HECW1: variants seen among roughly 807,000 people sequenced by gnomAD.
The protein encoded by HECW1 is HECT, C2 and WW domain containing E3 ubiquitin protein ligase 1.
Under a neutral mutation model 182.3 loss-of-function variants are expected in HECW1, and 61 were observed. That is an observed-to-expected ratio of 0.33 (90% CI 0.27 to 0.41). The LOEUF (loss-of-function observed/expected upper bound fraction) is 0.41, where lower values mean the gene tolerates loss of function less well. HECW1 is among the 10% of genes least tolerant of loss of function. The pLI is 1.00. For synonymous variants in HECW1, 859 were observed against 832.6 expected, an observed-to-expected ratio of 1.03 and a Z score of -0.55; for missense variants, 1,739 against 2,108.9, an observed-to-expected ratio of 0.82 and a Z score of 3.44.
Position 43,488,394 on chromosome 7 carries a change from G to A in HECW1, c.3235-3681G>A, listed in dbSNP as rs1351463785. ...AGGAAGGAAGGAAGGAAGGAAGGAAGGAAGGAAATGAAAGAAAGAGAGAGA... is the reference window on the plus strand; with the variant it reads ...AGGAAGGAAGGAAGGAAGGAAGGAAAGAAGGAAATGAAAGAAAGAGAGAGA... On this transcript the variant is annotated intron_variant, in intron 17 of 29. Coordinates refer to ENST00000395891, the MANE Select transcript of HECW1 (RefSeq NM_015052.5). 7.0e-4 allele frequency among the ~76,000 whole-genome samples: 50 copies of A among 71,806 alleles called. 1 individual carries two copies. The highest frequency in any genetic ancestry group is 8.1e-4 in the Non-Finnish European group (29 of 35,672). 47.1% of individuals were successfully genotyped at this position (71,806 alleles called of 152,430 possible). A position where few individuals can be genotyped will look rare whatever the true frequency, so the allele number is the denominator to read the frequency against.
intron 3 of HECW1, among the ~76,000 whole-genome samples, chr7:43,296,415 G>A (rs1370579322): frequency 2.0e-5 from 3 of 152,260 alleles, no homozygotes; most frequent in Admixed American, 2.0e-4. Flanking sequence ...TTGTTGCCCA[G>A]GAAGGTCTAT....
intron 13 of HECW1, among the ~76,000 whole-genome samples, chr7:43,461,667 T>G (rs1355734207): frequency 1.3e-5 from 2 of 152,144 alleles, no homozygotes; most frequent in Admixed American, 6.5e-5. Context: ...TCCATCACTC[T>G]TCATAACCTC....
chr7:43,173,607 G>A (rs913704869), intron 2 of HECW1, among the ~76,000 whole-genome samples: 4 of 152,192 alleles, frequency 2.6e-5, no homozygotes, highest in Admixed American at 2.0e-4. Context: ...CCTCTCATGC[G>A]CAGTTCACAG....
At chr7:43,363,800 G>A (rs995940173) in intron 6 of HECW1, among the ~76,000 whole-genome samples, 1 of 152,220 alleles carries the variant, frequency 6.6e-6, no homozygotes, top group Non-Finnish European at 1.5e-5. Context: ...CAGCACATCT[G>A]TGGAGAGAGG....
chr7:43,542,029 T>G, intron 26 of HECW1, 31 bp downstream of exon 26: 2 of 1,460,872 alleles, frequency 1.4e-6, no homozygotes, highest in Non-Finnish European at 1.8e-6. Flanking sequence ...GGAAAAGGGA[T>G]TTTGTTTTTT....
intron 24 of HECW1, among the ~76,000 whole-genome samples, chr7:43,535,001 A>G (rs2081123929): frequency 6.6e-6 from 1 of 152,232 alleles, no homozygotes; most frequent in African/African-American, 2.4e-5. Context: ...TGTCCTATAC[A>G]GTAGGTGCCA....
intron 3 of HECW1, among the ~76,000 whole-genome samples, chr7:43,276,245 T>TA (rs1425247903): frequency 6.6e-6 from 1 of 152,228 alleles, no homozygotes; most frequent in Admixed American, 6.5e-5. Context: ...GCCTGTTCTT[T>TA]AGAGTTACTA....
intron 6 of HECW1, among the ~76,000 whole-genome samples, chr7:43,370,525 T>G (rs1024502199): frequency 6.6e-6 from 1 of 152,214 alleles, no homozygotes; most frequent in African/African-American, 2.4e-5. Flanking sequence ...AGTTGAAAAC[T>G]TATGTCCATA....
intron 5 of HECW1, among the ~76,000 whole-genome samples, chr7:43,346,866 C>T (rs1174283203): frequency 6.6e-6 from 1 of 152,114 alleles, no homozygotes; most frequent in African/African-American, 2.4e-5. Context: ...TATTTTTATA[C>T]CAGTACCATG....
rs907345848 is a variant in HECW1, at chr7:43,116,033, C to T, written c.-32+1642C>T. 3.9e-5 allele frequency among the ~76,000 whole-genome samples: 6 copies of T among 152,072 alleles called. No individual in the cohort carries two copies. The East Asian group carries it at 1.2e-3, about 29-fold the overall frequency. ...GAGTGGATTTCAGGTCATAAAAATG[C>T]CCTCTAATTGTATAGGCAGGAGGTA... On this transcript the variant is annotated intron_variant, in intron 2 of 29. Coordinates refer to ENST00000395891, the MANE Select transcript of HECW1 (RefSeq NM_015052.5).
At chr7:43,412,432 T>C (rs2075833696) in intron 8 of HECW1, among the ~76,000 whole-genome samples, 2 of 150,036 alleles carry the variant, frequency 1.3e-5, no homozygotes, top group African/African-American at 4.9e-5. Flanking sequence ...TTCTTTTATT[T>C]ATTTATTTAT....
chr7:43,148,391 C>G (rs944905940), intron 2 of HECW1, among the ~76,000 whole-genome samples: 1 of 151,898 alleles, frequency 6.6e-6, no homozygotes. Context: ...CAGCACCTGG[C>G]TGCAGTCCCT....
intron 3 of HECW1, among the ~76,000 whole-genome samples, chr7:43,296,456 C>T (rs1806065077): frequency 6.6e-6 from 1 of 151,960 alleles, no homozygotes; most frequent in African/African-American, 2.4e-5. Context: ...ACAGTGAGGC[C>T]CCTGGTTCAT....
intron 2 of HECW1, among the ~76,000 whole-genome samples, chr7:43,218,977 A>G (rs763217449): frequency 2.0e-5 from 3 of 152,202 alleles, no homozygotes; most frequent in Admixed American, 6.5e-5. Context: ...CCTGTGGGGA[A>G]CACCAGCCAG....
intron 4 of HECW1, among the ~76,000 whole-genome samples, chr7:43,316,930 C>T (rs1250450831): frequency 6.6e-6 from 1 of 150,704 alleles, no homozygotes; most frequent in African/African-American, 2.5e-5. Context: ...GATGCAAATT[C>T]GATTCATTTA....
At chr7:43,200,681 C>T (rs1031412042) in intron 2 of HECW1, among the ~76,000 whole-genome samples, 1 of 152,226 alleles carries the variant, frequency 6.6e-6, no homozygotes, top group African/African-American at 2.4e-5. Flanking sequence ...GCTCATTGCT[C>T]TGCTCTTATG....
intron 2 of HECW1, among the ~76,000 whole-genome samples, chr7:43,236,562 A>T (rs940204598): frequency 1.3e-5 from 2 of 152,164 alleles, no homozygotes; most frequent in African/African-American, 4.8e-5. Flanking sequence ...TGAAGCAGGA[A>T]CTTCCAGGTC....
chr7:43,519,968 G>C lies in HECW1; in HGVS notation c.4019+10847G>C, dbSNP rs934953300. 1.2e-4 allele frequency among the ~76,000 whole-genome samples: 19 copies of C among 152,192 alleles called. 1 individual carries two copies. The highest frequency in any genetic ancestry group is 8.5e-4 in the Admixed American group (13 of 15,278). On this transcript the variant is annotated intron_variant, in intron 24 of 29. Transcript: ENST00000395891. ...TCACAGGAGATGAGCCGAGGTAACA[G>C]GAGCCAGCCATGCCAGGAGAAGCCA... is the stretch of plus-strand genomic sequence containing the variant.
rs148632528 is a variant in HECW1 at position 43,526,616 on chromosome 7, A to G, written c.4020-14547A>G. On this transcript the variant is annotated intron_variant, in intron 24 of 29. Coordinates refer to ENST00000395891, the MANE Select transcript of HECW1 (RefSeq NM_015052.5). ...CACTCTGGGTTCTGCCCGGAACACA[A>G]TGGCATTGCCATTCCTGTATTCTCT... Among the ~76,000 whole-genome samples the G allele has an allele frequency of 7.4e-3, 1,132 of 152,354 alleles. 7 individuals carry two copies. The highest frequency in any genetic ancestry group is 0.026 in the African/African-American group (1,080 of 41,586).
Sources: gnomAD v4.1 joint callset for allele counts (sites outside exome capture counted in the v4.1 genomes callset) on GRCh38, gnomAD v4.1.1 for gene constraint, MANE v1.5 for transcripts, NCBI Gene and HGNC (gene_info 2026-07-23, HGNC 2026-07-21) for gene names.